Variants in CAMKK2 observed in about 807,000 individuals in gnomAD.
CAMKK2 encodes calcium/calmodulin dependent protein kinase kinase 2.
In CAMKK2, 30 loss-of-function variants were observed where a neutral mutation model predicts 67.2. The observed-to-expected ratio is 0.45, with a 90% confidence interval of 0.33 to 0.61. CAMKK2 has a LOEUF of 0.61. Among genes scored for constraint, CAMKK2 ranks in the 20% least tolerant of loss-of-function variants. The pLI, the probability that CAMKK2 is intolerant of heterozygous loss-of-function variation, is 0.02. For synonymous variants in CAMKK2, 322 were observed against 326.2 expected, an observed-to-expected ratio of 0.99 and a Z score of 0.14; for missense variants, 643 against 802.0, an observed-to-expected ratio of 0.80 and a Z score of 2.39.
rs181100640 is a variant in CAMKK2, at chr12:121,273,855, T to C, written c.471+201A>G. 5.0e-3 allele frequency among the ~76,000 whole-genome samples: 761 copies of C among 152,142 alleles called. 7 individuals carry two copies. The highest frequency in any genetic ancestry group is 0.018 in the African/African-American group (728 of 41,502). ...ATGACCCACCCTTTGCTGACTGCCT[T>C]CCCTTCCCCATGCTGATTCACGACC... On this transcript the variant is annotated intron_variant, in intron 2 of 16. Transcript: ENST00000404169.
intron 16 of CAMKK2, among the ~76,000 whole-genome samples, chr12:121,242,447 T>C (rs1236508815): frequency 6.6e-6 from 1 of 151,898 alleles, no homozygotes; most frequent in African/African-American, 2.4e-5. Flanking sequence ...AACCCTAAAA[T>C]GGAGATTGAG....
intron 5 of CAMKK2, among the ~76,000 whole-genome samples, chr12:121,268,311 C>T (rs1219334570): frequency 6.6e-6 from 1 of 151,812 alleles, no homozygotes; most frequent in Non-Finnish European, 1.5e-5. Context: ...TACGGTAACA[C>T]CATGTTTAAC....
intron 1 of CAMKK2, among the ~76,000 whole-genome samples, chr12:121,294,016 T>G (rs915817097): frequency 6.6e-6 from 1 of 152,174 alleles, no homozygotes; most frequent in African/African-American, 2.4e-5. Flanking sequence ...CACTGCAACC[T>G]CCGCCTTCCA....
intron 1 of CAMKK2, among the ~76,000 whole-genome samples, chr12:121,294,251 A>T (rs2136682561): frequency 6.6e-6 from 1 of 151,884 alleles, no homozygotes; most frequent in East Asian, 1.9e-4. Context: ...GTGATTCTTT[A>T]TGTCGTGGCC....
intron 16 of CAMKK2, chr12:121,243,913 T>A: frequency 7.1e-7 from 1 of 1,411,962 alleles, no homozygotes; most frequent in Non-Finnish European, 9.2e-7. Flanking sequence ...GGCAGTGGGG[T>A]CCCCACCCAC....
intron 14 of CAMKK2, among the ~76,000 whole-genome samples, chr12:121,246,223 G>A (rs1889415041): frequency 7.3e-6 from 1 of 136,244 alleles, no homozygotes; most frequent in Non-Finnish European, 1.5e-5. Context: ...TTTATGTTAT[G>A]TGAATTCTAC....
chr12:121,261,151 C>T (rs1015955447), intron 6 of CAMKK2, among the ~76,000 whole-genome samples: 3 of 152,096 alleles, frequency 2.0e-5, no homozygotes, highest in Non-Finnish European at 4.4e-5. Flanking sequence ...GCTACATCCA[C>T]CTTGATTTCC....
At chr12:121,264,709 G>A (rs975243481) in intron 5 of CAMKK2, among the ~76,000 whole-genome samples, 4 of 151,958 alleles carry the variant, frequency 2.6e-5, no homozygotes, top group Admixed American at 1.3e-4. Flanking sequence ...GGGAGGCGGA[G>A]CTTGCAGTGA....
At chr12:121,249,331 G>A (rs1890169183) in intron 13 of CAMKK2, among the ~76,000 whole-genome samples, 1 of 152,264 alleles carries the variant, frequency 6.6e-6, no homozygotes, top group African/African-American at 2.4e-5. Flanking sequence ...CATTAGTGGA[G>A]ATGTGTAGGG....
At chr12:121,292,408 C>T (rs575183295) in intron 1 of CAMKK2, among the ~76,000 whole-genome samples, 3 of 152,292 alleles carry the variant, frequency 2.0e-5, no homozygotes, top group Admixed American at 1.3e-4. Flanking sequence ...GGATTACAGG[C>T]GTGAGCCACC....
rs146731437 is a variant in CAMKK2 at position 121,240,819 on chromosome 12, C to T, written c.1647G>A (p.Gly549=). The change falls in exon 17 of 17, where the codon GGG becomes GGA. Residue 549 remains glycine, a synonymous_variant. Transcript: ENST00000404169. The surrounding 1 kb of genome is among the most constrained non-coding windows in gnomAD (Gnocchi z 4.4). ...QPPGHRPAPR[G]GGGSALVRGS... is the part of the protein sequence containing the mutation. ...CTCTCACAAGAGCACTTCCTCCTCC[C>T]CCACGGGGGGCGGGTCGGTGCCCTG... The T allele has an allele frequency of 8.8e-5, 142 of 1,611,932 alleles. No homozygotes were observed. The African/African-American group carries it at 1.7e-3, about 20-fold the overall frequency.
chr12:121,274,988 A>G (rs1250174031), intron 1 of CAMKK2, among the ~76,000 whole-genome samples: 3 of 151,510 alleles, frequency 2.0e-5, no homozygotes, highest in African/African-American at 7.3e-5. Flanking sequence ...CTCAATTCCT[A>G]TAGGAACAAG....
At chr12:121,270,324 T>C (rs1895497365) in intron 3 of CAMKK2, among the ~76,000 whole-genome samples, 2 of 151,468 alleles carry the variant, frequency 1.3e-5, no homozygotes, top group Middle Eastern at 6.8e-3. Flanking sequence ...GAGCCGAGAT[T>C]GCGCCACTGC....
intron 4 of CAMKK2, among the ~76,000 whole-genome samples, chr12:121,269,032 T>C (rs532292002): frequency 8.5e-5 from 13 of 152,088 alleles, no homozygotes; most frequent in African/African-American, 2.7e-4. Flanking sequence ...GCAGGACTGG[T>C]TGTTTTACAC....
At chr12:121,243,386 G>A (rs1400084936) in intron 16 of CAMKK2, among the ~76,000 whole-genome samples, 1 of 151,540 alleles carries the variant, frequency 6.6e-6, no homozygotes, top group African/African-American at 2.4e-5. Flanking sequence ...GTACACAAAT[G>A]TTCATAGCAT....
chr12:121,277,449 T>A (rs1190707415), intron 1 of CAMKK2, among the ~76,000 whole-genome samples: 3 of 152,150 alleles, frequency 2.0e-5, no homozygotes, highest in Non-Finnish European at 4.4e-5. Context: ...CATAGCAACA[T>A]CATTCACAAT....
intron 11 of CAMKK2, among the ~76,000 whole-genome samples, 161 bp from the exon 12 acceptor site, chr12:121,250,195 A>G (rs1012820314): frequency 1.7e-4 from 26 of 151,182 alleles, no homozygotes; most frequent in African/African-American, 6.1e-4. Context: ...AGAATGGCCA[A>G]GACACAGGGG....
chr12:121,290,336 T>C (rs1593518806), intron 1 of CAMKK2, among the ~76,000 whole-genome samples: 1 of 152,220 alleles, frequency 6.6e-6, no homozygotes, highest in African/African-American at 2.4e-5. Context: ...GTGGATTTAC[T>C]TACCTGGAAA....
At chr12:121,271,036 A>G in intron 2 of CAMKK2, 91 bp from the exon 3 acceptor site, 1 of 966,648 alleles carries the variant, frequency 1.0e-6, no homozygotes, top group South Asian at 1.3e-5. Context: ...GCCCTTCAGG[A>G]GACCAAGGTG....
Sources: gnomAD v4.1 joint callset for allele counts (sites outside exome capture counted in the v4.1 genomes callset) on GRCh38, gnomAD v4.1.1 for gene constraint, Gnocchi (gnomAD v3.1) non-coding constraint, MANE v1.5 for transcripts, NCBI Gene and HGNC (gene_info 2026-07-23, HGNC 2026-07-21) for gene names.